ITLN2: variants seen among roughly 807,000 people sequenced by gnomAD.
The protein encoded by ITLN2 is intelectin 2.
A neutral mutation model predicts 39.4 loss-of-function variants in ITLN2; 29 were observed. That is an observed-to-expected ratio of 0.74 (90% CI 0.55 to 1.00). ITLN2 has a LOEUF of 1.00. Among genes scored for constraint, ITLN2 ranks in the 50% least tolerant of loss-of-function variants. The pLI is 0.00. For synonymous variants in ITLN2, 156 were observed against 153.4 expected, an observed-to-expected ratio of 1.02 and a Z score of -0.12; for missense variants, 412 against 416.7, an observed-to-expected ratio of 0.99 and a Z score of 0.10.
rs1423832922 is a variant in ITLN2, at chr1:160,945,026, T to G, written c.*114A>C. On this transcript the variant is annotated 3_prime_UTR_variant, in exon 8 of 8. Coordinates refer to ENST00000368029, the MANE Select transcript of ITLN2 (RefSeq NM_080878.3). ...AAAAGAATTCAAAGAAACATAGAGTTGCAAATTGATGTGATTTAGTCTCCT... is the reference window on the plus strand; with the variant it reads ...AAAAGAATTCAAAGAAACATAGAGTGGCAAATTGATGTGATTTAGTCTCCT... 1.2e-6 allele frequency: 1 copy of G among 841,550 alleles called. No individual in the cohort carries two copies. Among genetic ancestry groups the G allele is most frequent in the Non-Finnish European group, 1.8e-6 (1 of 562,102 alleles). The allele number at this position is 841,550 out of a possible 1,614,324, so 52.1% of individuals were successfully genotyped here.
At chr1:160,952,472 T>A in intron 3 of ITLN2, 148 bp downstream of exon 3, 1 of 595,974 alleles carries the variant, frequency 1.7e-6, no homozygotes, top group South Asian at 2.1e-5. Context: ...CACAAAAGCC[T>A]CAAAATTCCC....
intron 3 of ITLN2, among the ~76,000 whole-genome samples, chr1:160,951,629 G>A (rs1303898739): frequency 3.9e-5 from 6 of 152,224 alleles, no homozygotes; most frequent in African/African-American, 1.4e-4. Context: ...GGGCCTCTGT[G>A]CAGCTCAGAG....
chr1:160,953,838 A>T (rs1194401928), intron 2 of ITLN2, among the ~76,000 whole-genome samples: 1 of 152,212 alleles, frequency 6.6e-6, no homozygotes, highest in African/African-American at 2.4e-5. Context: ...TAACTTCTTT[A>T]TACGCATGGA....
Position 160,951,185 on chromosome 1 carries a change from T to G in ITLN2, c.299A>C (p.Asn100Thr). 1 of 1,614,166 alleles carries G rather than the reference T, an allele frequency of 6.2e-7. No individual in the cohort carries two copies. Among genetic ancestry groups the G allele is most frequent in the Non-Finnish European group, 8.5e-7 (1 of 1,180,010 alleles). Residue 100 changes from asparagine (N) to threonine (T), a missense_variant, in exon 4 of 8, where the codon AAT (asparagine) becomes ACT (threonine). Coordinates refer to ENST00000368029, the MANE Select transcript of ITLN2 (RefSeq NM_080878.3). ...CACCGTGCACTTCCCACGCATGTCA[T>G]TCTCGTGCACGCTGGCCACCAGGGT... is the stretch of plus-strand genomic sequence containing the variant. The part of the protein sequence containing the change: ...GWTLVASVHE[N>T]DMRGKCTVGD...
intron 3 of ITLN2, 42 bp from the exon 4 acceptor site, chr1:160,951,332 C>T (rs959294812): frequency 2.6e-6 from 4 of 1,534,134 alleles, no homozygotes; most frequent in Non-Finnish European, 2.6e-6. Flanking sequence ...TCTGAGAGCT[C>T]AGGGTTCATC....
chr1:160,950,449 A>C lies in ITLN2; in HGVS notation c.600+104T>G, dbSNP rs1570973350. The C allele has an allele frequency of 2.9e-6, 4 of 1,380,354 alleles. No individual in the cohort carries two copies. The Admixed American group carries it at 6.2e-5, about 22-fold the overall frequency. 85.5% of individuals were successfully genotyped at this position (1,380,354 alleles called of 1,614,324 possible). A position where few individuals can be genotyped will look rare whatever the true frequency, so the allele number is the denominator to read the frequency against. On this transcript the variant is annotated intron_variant, in intron 5 of 7. Coordinates refer to ENST00000368029, the MANE Select transcript of ITLN2 (RefSeq NM_080878.3). ...TCAAAGGAAGGAGAAACAGCCAACC[A>C]CTCAGTAGTGATGTGGAACCACAGG...
intron 2 of ITLN2, 135 bp from the exon 3 acceptor site, chr1:160,952,868 G>T: frequency 1.6e-6 from 1 of 633,530 alleles, no homozygotes; most frequent in Non-Finnish European, 2.8e-6. Flanking sequence ...ATGCTAAGAC[G>T]GTCTGATCCA....
rs1208742534 is a variant in ITLN2 at position 160,950,785 on chromosome 1, C to T, written c.442-74G>A. On this transcript the variant is annotated intron_variant, in intron 4 of 7. Coordinates refer to ENST00000368029, the MANE Select transcript of ITLN2 (RefSeq NM_080878.3). Reference sequence around the variant, plus strand: ...GGCAGAAGGTCCACATGTGCAGCCTCAGCTGGGCTGAGAGCTCTGGGATCA... The same window carrying T: ...GGCAGAAGGTCCACATGTGCAGCCTTAGCTGGGCTGAGAGCTCTGGGATCA... The T allele has an allele frequency of 2.6e-6, 4 of 1,557,664 alleles. No homozygotes were observed. In the African/African-American group the frequency reaches 4.1e-5, roughly 16 times the overall value.
intron 5 of ITLN2, 67 bp downstream of exon 5, chr1:160,950,486 C>T: frequency 6.4e-7 from 1 of 1,558,162 alleles, no homozygotes; most frequent in Non-Finnish European, 8.7e-7. Flanking sequence ...CAGATCTGCC[C>T]CCTACCCTAG....
At position 160,947,942 on chromosome 1, in the gene ITLN2, C is replaced by T; in HGVS notation, c.812G>A (p.Cys271Tyr). The change falls in exon 7 of 8, where the codon TGT becomes TAT. Residue 271 changes from cysteine (C) to tyrosine (Y), a missense_variant. Transcript: ENST00000368029. Reference sequence around the variant, plus strand: ...CCAAAAACTCACATGCTCAGTGTTACAGCCAGTAACTTTTATCCCAGCACA... The same window carrying T: ...CCAAAAACTCACATGCTCAGTGTTATAGCCAGTAACTTTTATCCCAGCACA... Reference protein sequence around the residue: ...ALCAGIKVTGCNTEHHCIGGG... With the variant: ...ALCAGIKVTGYNTEHHCIGGG... 1 of 1,613,148 alleles carries T rather than the reference C, an allele frequency of 6.2e-7. No homozygotes were observed. The highest frequency in any genetic ancestry group is 8.5e-7 in the Non-Finnish European group (1 of 1,179,176).
At position 160,952,631 on chromosome 1, in the gene ITLN2, T is replaced by G. The variant is rs145457015; in HGVS notation, c.182A>C (p.His61Pro). 3.0e-3 allele frequency: 4,917 copies of G among 1,612,888 alleles called. 100 individuals carry two copies. The South Asian group carries it at 0.035, about 11-fold the overall frequency. Residue 61 changes from histidine to proline, a missense_variant, in exon 3 of 8, where the codon CAT (histidine) becomes CCT (proline). Transcript: ENST00000368029. ...RSCKEIKERC[H>P]SAGDGLYFLR... is the part of the protein sequence containing the mutation. ...GGTTCATTACTCACCACCTGCACTATGGCAGCGTTCCTTGATTTCTTTGCA... is the reference window on the plus strand; with the variant it reads ...GGTTCATTACTCACCACCTGCACTAGGGCAGCGTTCCTTGATTTCTTTGCA...
At position 160,951,131 on chromosome 1, in the gene ITLN2, T is replaced by C. The variant is rs774220923; in HGVS notation, c.353A>G (p.Asn118Ser). The C allele has an allele frequency of 8.1e-6, 13 of 1,613,878 alleles. No homozygotes were observed. Among genetic ancestry groups the C allele is most frequent in the Middle Eastern group, 1.7e-4 (1 of 6,054 alleles). Residue 118 changes from asparagine to serine, a missense_variant, in exon 4 of 8, where the codon AAC becomes AGC. Transcript: ENST00000368029. ...VGDRWSSQQGNKADYPEGDGN... is the reference protein window; with the variant it reads ...VGDRWSSQQGSKADYPEGDGN... ...ATCCCCCTCTGGGTAGTCTGCTTTG[T>C]TGCCCTGCTGACTGGACCAGCGATC...
rs759718001 is a variant in ITLN2, at chr1:160,945,271, AC to A, written c.846del (p.Phe283SerfsTer33). On this transcript the variant is annotated frameshift_variant, in exon 8 of 8. Transcript: ENST00000368029. LOFTEE classifies it high-confidence loss of function. Reference protein sequence around the residue: ...NTEHHCIGGGGFFPQGKPRQC... With the variant: ...NTEHHCIGGGXFFPQGKPRQC... ...TGACGGGGTTTGCCCTGTGGGAAGA[AC>A]CCTCCTCCACCGATGCAGTGCTGGG... is the stretch of plus-strand genomic sequence containing the variant. 4.4e-6 allele frequency: 7 copies of A among 1,573,342 alleles called. No homozygotes were observed. The highest frequency in any genetic ancestry group is 5.1e-6 in the Non-Finnish European group (6 of 1,168,900).
At chr1:160,947,296 C>G (rs1166969063) in intron 7 of ITLN2, among the ~76,000 whole-genome samples, 1 of 152,230 alleles carries the variant, frequency 6.6e-6, no homozygotes, top group Admixed American at 6.5e-5. Flanking sequence ...TTGCTGCCAG[C>G]ATATCTCGCC....
At chr1:160,948,167 G>T (rs114657146) in intron 6 of ITLN2, 135 bp from the exon 7 acceptor site, 19,728 of 657,684 alleles carry the variant, frequency 0.03, 403 homozygotes, top group Non-Finnish European at 0.039. Context: ...TAGGGGTGCA[G>T]CCCAGTACCT....
Position 160,951,204 on chromosome 1 carries a change from C to G in ITLN2, c.280G>C (p.Val94Leu). The change falls in exon 4 of 8, where the codon GTG becomes CTG. Residue 94 changes from valine (V) to leucine (L), a missense_variant. By Grantham distance (32) the Val-to-Leu change is conservative (BLOSUM62 1). Coordinates refer to ENST00000368029, the MANE Select transcript of ITLN2 (RefSeq NM_080878.3). ...MTSGGGGWTL[V>L]ASVHENDMRG... ...ATGTCATTCTCGTGCACGCTGGCCA[C>G]CAGGGTCCAGCCGCCACCCCCAGAA... 2 of 1,613,998 alleles carry G rather than the reference C, an allele frequency of 1.2e-6. No individual in the cohort carries two copies. The highest frequency in any genetic ancestry group is 1.1e-5 in the South Asian group (1 of 91,060).
intron 3 of ITLN2, among the ~76,000 whole-genome samples, chr1:160,951,996 A>G (rs530730941): frequency 6.6e-6 from 1 of 152,318 alleles, no homozygotes; most frequent in South Asian, 2.1e-4. Context: ...TACACAGGCT[A>G]TGAAACAGCT....
rs758138183 is a variant in ITLN2, at chr1:160,947,919, A to G, written c.825+10T>C. 3.8e-6 allele frequency: 6 copies of G among 1,599,774 alleles called. No individual in the cohort carries two copies. The Admixed American group carries it at 6.7e-5, about 18-fold the overall frequency. On this transcript the variant is annotated intron_variant, in intron 7 of 7. Transcript: ENST00000368029. ...CCACACGTGGGCCATTGATCTCCCCAAAAACTCACATGCTCAGTGTTACAG... is the reference window on the plus strand; with the variant it reads ...CCACACGTGGGCCATTGATCTCCCCGAAAACTCACATGCTCAGTGTTACAG...
chr1:160,954,462 C>G lies in ITLN2; in HGVS notation c.16-12G>C, dbSNP rs1671818953. 1 of 1,569,474 alleles carries G rather than the reference C, an allele frequency of 6.4e-7. No individual in the cohort carries two copies. The highest frequency in any genetic ancestry group is 2.3e-5 in the East Asian group (1 of 43,736). On this transcript the variant is annotated splice_polypyrimidine_tract_variant and intron_variant, in intron 1 of 7. Transcript: ENST00000368029. Reference sequence around the variant, plus strand: ...CTGGTCATTGTCCTCTAAGGAAAAACAAGATGCACAAGGTCACTGGCTGGC... The same window carrying G: ...CTGGTCATTGTCCTCTAAGGAAAAAGAAGATGCACAAGGTCACTGGCTGGC...
Sources: allele counts gnomAD v4.1 joint callset (sites outside exome capture counted in the v4.1 genomes callset), GRCh38; gene constraint gnomAD v4.1.1; transcripts MANE v1.5; gene names NCBI Gene and HGNC (gene_info 2026-07-23, HGNC 2026-07-21).